Variants in PTPRD observed in about 807,000 individuals in gnomAD.
PTPRD encodes the protein protein tyrosine phosphatase receptor type D.
A neutral mutation model predicts 214.5 loss-of-function variants in PTPRD; 34 were observed. The observed-to-expected ratio is 0.16, with a 90% CI of 0.12 to 0.21. The LOEUF is 0.21. Ranked by LOEUF, PTPRD falls within the 10% of genes least tolerant of loss-of-function variation. PTPRD has a pLI of 1.00. For synonymous variants in PTPRD, 1,128 were observed against 845.7 expected, an observed-to-expected ratio of 1.33 and a Z score of -5.79; for missense variants, 2,545 against 2,398.7, an observed-to-expected ratio of 1.06 and a Z score of -1.27.
In PTPRD at chr9:9,048,777, T is replaced by A. The variant is rs1258733207; in HGVS notation, c.-142-30042A>T. Among the ~76,000 whole-genome samples, 8 of 152,052 alleles carry A rather than the reference T, an allele frequency of 5.3e-5. No individual in the cohort carries two copies. In the South Asian group the frequency reaches 1.7e-3, roughly 32 times the overall value. On this transcript the variant is annotated intron_variant, in intron 10 of 45. Transcript: ENST00000381196. ...AGCACAACAGGGTGACTATAATCAA[T>A]AATAACTGTAAATTTAAAAATAACT...
rs931416265 is a variant in PTPRD, at chr9:9,609,757, C to G, written c.-286-34976G>C. Among the ~76,000 whole-genome samples the G allele has an allele frequency of 2.0e-5, 3 of 152,204 alleles. No homozygotes were observed. In the East Asian group the frequency reaches 5.8e-4, roughly 29 times the overall value. ...GGATCACAGGTGTGAGACACCGCAC[C>G]TGGCACAATGTGAACTTTCATAAGC... is the stretch of plus-strand genomic sequence containing the variant. On this transcript the variant is annotated intron_variant, in intron 7 of 45. Coordinates refer to ENST00000381196, the MANE Select transcript of PTPRD (RefSeq NM_002839.4).
chr9:9,445,419 T>C (rs181686543), intron 8 of PTPRD, among the ~76,000 whole-genome samples: 54 of 152,272 alleles, frequency 3.5e-4, no homozygotes, highest in African/African-American at 1.2e-3. Context: ...CAATTTTCAC[T>C]TGGCACCTGT....
intron 5 of PTPRD, among the ~76,000 whole-genome samples, chr9:9,857,620 T>C (rs1254548248): frequency 2.6e-5 from 4 of 152,208 alleles, no homozygotes; most frequent in Non-Finnish European, 4.4e-5. Context: ...AGCTGAAGTT[T>C]TACATTTATA....
At chr9:9,934,965 A>G (rs541212399) in intron 5 of PTPRD, among the ~76,000 whole-genome samples, 4 of 152,356 alleles carry the variant, frequency 2.6e-5, no homozygotes, top group Non-Finnish European at 5.9e-5. Context: ...AACAGAGCCA[A>G]AGACAAAAAC....
chr9:9,389,120 G>A (rs1242980470), intron 9 of PTPRD, among the ~76,000 whole-genome samples: 1 of 152,172 alleles, frequency 6.6e-6, no homozygotes, highest in Non-Finnish European at 1.5e-5. Context: ...AGGTTGTGGT[G>A]AGGATTAAAT....
At chr9:10,156,689 G>C (rs557064582) in intron 3 of PTPRD, among the ~76,000 whole-genome samples, 4 of 152,132 alleles carry the variant, frequency 2.6e-5, no homozygotes, top group Non-Finnish European at 5.9e-5. Context: ...CAATATCTTT[G>C]TTAATTTTCT....
At chr9:9,782,088 G>A (rs1216424445) in intron 5 of PTPRD, among the ~76,000 whole-genome samples, 1 of 152,052 alleles carries the variant, frequency 6.6e-6, no homozygotes, top group Non-Finnish European at 1.5e-5. Context: ...ACCGCACCCG[G>A]CCTTTGGACT....
intron 7 of PTPRD, among the ~76,000 whole-genome samples, chr9:9,649,853 G>T (rs745432446): frequency 1.3e-5 from 2 of 152,082 alleles, no homozygotes; most frequent in Non-Finnish European, 2.9e-5. Flanking sequence ...TATAATTTAT[G>T]CATCTTTTCA....
intron 11 of PTPRD, among the ~76,000 whole-genome samples, chr9:8,847,357 A>G (rs1451153607): frequency 2.0e-5 from 3 of 152,230 alleles, no homozygotes; most frequent in South Asian, 2.1e-4. Flanking sequence ...TAACCTAACT[A>G]TAAAAAAAAC....
intron 8 of PTPRD, among the ~76,000 whole-genome samples, chr9:9,487,345 A>G (rs1202329830): frequency 6.6e-6 from 1 of 152,080 alleles, no homozygotes; most frequent in East Asian, 1.9e-4. Flanking sequence ...TTTGCTGAGA[A>G]TGATGGTTTC....
At chr9:8,953,374 A>T (rs2099113824) in intron 11 of PTPRD, among the ~76,000 whole-genome samples, 1 of 151,976 alleles carries the variant, frequency 6.6e-6, no homozygotes, top group African/African-American at 2.4e-5. Flanking sequence ...TGGATTAAAG[A>T]CCTCAAACTA....
chr9:8,503,036 A>G (rs972198427), intron 23 of PTPRD, among the ~76,000 whole-genome samples: 4 of 152,102 alleles, frequency 2.6e-5, no homozygotes, highest in African/African-American at 4.8e-5. Flanking sequence ...GCATTAATTT[A>G]CATGCTTACG....
At chr9:10,136,747 A>G (rs2098947238) in intron 3 of PTPRD, among the ~76,000 whole-genome samples, 1 of 76,772 alleles carries the variant, frequency 1.3e-5, no homozygotes, top group Non-Finnish European at 2.4e-5. Context: ...AGAAACTACC[A>G]TCAGAGTGAA....
chr9:9,621,160 C>A (rs2095219430), intron 7 of PTPRD, among the ~76,000 whole-genome samples: 1 of 152,184 alleles, frequency 6.6e-6, no homozygotes, highest in Non-Finnish European at 1.5e-5. Flanking sequence ...TAATATTTCT[C>A]CTAACTGTGA....
intron 3 of PTPRD, among the ~76,000 whole-genome samples, chr9:10,255,185 G>A (rs1480546036): frequency 6.6e-6 from 1 of 152,198 alleles, no homozygotes; most frequent in African/African-American, 2.4e-5. Flanking sequence ...ATAGGGTCAA[G>A]TGTTGCTTAA....
chr9:10,145,218 T>C (rs189886919), intron 3 of PTPRD, among the ~76,000 whole-genome samples: 1 of 152,266 alleles, frequency 6.6e-6, no homozygotes, highest in Admixed American at 6.6e-5. Flanking sequence ...CATCAATTTC[T>C]TGATGAAGCC....
At chr9:10,407,307 A>G (rs1274288944) in intron 2 of PTPRD, among the ~76,000 whole-genome samples, 1 of 151,600 alleles carries the variant, frequency 6.6e-6, no homozygotes, top group Non-Finnish European at 1.5e-5. Context: ...TGAATGTTAT[A>G]TATACACATA....
At chr9:9,542,060 T>C (rs934542488) in intron 8 of PTPRD, among the ~76,000 whole-genome samples, 2 of 151,614 alleles carry the variant, frequency 1.3e-5, no homozygotes, top group African/African-American at 4.8e-5. Context: ...AAAAATTGGT[T>C]CTTTGAAAAG....
chr9:10,381,524 T>C (rs1586767121), intron 2 of PTPRD, among the ~76,000 whole-genome samples: 1 of 152,020 alleles, frequency 6.6e-6, no homozygotes, highest in African/African-American at 2.4e-5. Flanking sequence ...CCCAAAATGA[T>C]TCAGAGTATC....
Sources: allele counts gnomAD v4.1 joint callset (sites outside exome capture counted in the v4.1 genomes callset), GRCh38; gene constraint gnomAD v4.1.1; transcripts MANE v1.5; gene names NCBI Gene and HGNC (gene_info 2026-07-23, HGNC 2026-07-21).